Variants in POU6F2 observed in about 807,000 individuals in gnomAD.
POU6F2 encodes POU class 6 homeobox 2.
POU6F2 carries 31 observed loss-of-function variants against 71.3 expected under a neutral mutation model. The observed-to-expected ratio is 0.43, with a 90% CI of 0.33 to 0.59. The LOEUF is 0.59. Ranked by LOEUF, POU6F2 falls within the 20% of genes least tolerant of loss-of-function variation. The probability of loss-of-function intolerance (pLI) is 0.04; values close to 1 mark genes in which losing one functional copy is unlikely to be tolerated. For missense variants in POU6F2, 783 were observed against 856.8 expected, an observed-to-expected ratio of 0.91 and a Z score of 1.07; for synonymous variants, 347 against 355.7, an observed-to-expected ratio of 0.98 and a Z score of 0.27.
intron 6 of POU6F2, among the ~76,000 whole-genome samples, chr7:39,416,020 C>A (rs914452858): frequency 6.6e-6 from 1 of 151,132 alleles, no homozygotes; most frequent in African/African-American, 2.4e-5. Flanking sequence ...AACTCCAGAA[C>A]CTTCATTTCT....
chr7:39,349,806 G>T (rs1411627792), intron 5 of POU6F2, among the ~76,000 whole-genome samples: 3 of 152,142 alleles, frequency 2.0e-5, no homozygotes, highest in African/African-American at 7.2e-5. Flanking sequence ...ACTAAATTGG[G>T]CATTCTGGCT....
chr7:39,255,947 A>T (rs1364894153), intron 4 of POU6F2, among the ~76,000 whole-genome samples: 1 of 152,168 alleles, frequency 6.6e-6, no homozygotes, highest in East Asian at 1.9e-4. Flanking sequence ...GAATTAATAG[A>T]TTGCTCCACA....
intron 2 of POU6F2, among the ~76,000 whole-genome samples, chr7:39,094,948 C>A (rs1293656052): frequency 6.6e-6 from 1 of 152,120 alleles, no homozygotes; most frequent in African/African-American, 2.4e-5. Context: ...ATACCTACAT[C>A]ATTTCCCAAA....
At chr7:39,430,175 A>C (rs1788067506) in intron 6 of POU6F2, among the ~76,000 whole-genome samples, 1 of 152,266 alleles carries the variant, frequency 6.6e-6, no homozygotes, top group Non-Finnish European at 1.5e-5. Context: ...ATTGTGATAC[A>C]TTCGGGAATA....
intron 6 of POU6F2, among the ~76,000 whole-genome samples, chr7:39,411,484 AG>A (rs1562820030): frequency 1.3e-5 from 2 of 152,226 alleles, no homozygotes; most frequent in Non-Finnish European, 2.9e-5. Flanking sequence ...AATTTTCTTA[AG>A]TGGCAGCAAG....
chr7:39,183,568 A>G (rs1793476738), intron 2 of POU6F2, among the ~76,000 whole-genome samples: 1 of 152,146 alleles, frequency 6.6e-6, no homozygotes, highest in African/African-American at 2.4e-5. Context: ...ACCTCCCACC[A>G]GGTCCCTCTT....
At chr7:39,366,593 C>T (rs1786506408) in intron 5 of POU6F2, among the ~76,000 whole-genome samples, 1 of 152,154 alleles carries the variant, frequency 6.6e-6, no homozygotes, top group Admixed American at 6.5e-5. Flanking sequence ...TCCCCTCCTA[C>T]CCAGGCCCAG....
intron 2 of POU6F2, among the ~76,000 whole-genome samples, chr7:39,092,664 A>T (rs999408811): frequency 6.6e-6 from 1 of 152,138 alleles, no homozygotes; most frequent in Non-Finnish European, 1.5e-5. Context: ...AAACATGTTG[A>T]TCTGATTCTT....
chr7:39,006,844 T>C (rs778481655), intron 1 of POU6F2: 1 of 1,613,710 alleles, frequency 6.2e-7, no homozygotes, highest in East Asian at 2.2e-5. Flanking sequence ...CAAGAGGAAG[T>C]GGCAAATGAG....
At chr7:39,041,324 G>A (rs1790189890) in intron 1 of POU6F2, among the ~76,000 whole-genome samples, 1 of 151,936 alleles carries the variant, frequency 6.6e-6, no homozygotes, top group South Asian at 2.1e-4. Context: ...TATAATTGAG[G>A]TATTTGTGCA....
chr7:39,128,272 C>T (rs1465621887), intron 2 of POU6F2, among the ~76,000 whole-genome samples: 3 of 152,194 alleles, frequency 2.0e-5, no homozygotes, highest in African/African-American at 7.2e-5. Flanking sequence ...CTTTTAACTA[C>T]ATCATTTCTA....
intron 5 of POU6F2, among the ~76,000 whole-genome samples, chr7:39,359,505 C>G (rs1216150570): frequency 6.6e-6 from 1 of 152,180 alleles, no homozygotes; most frequent in Non-Finnish European, 1.5e-5. Context: ...AAAATATATG[C>G]TCTCCTTCCT....
intron 2 of POU6F2, among the ~76,000 whole-genome samples, chr7:39,122,701 C>G (rs1792066031): frequency 6.7e-6 from 1 of 148,736 alleles, no homozygotes; most frequent in Non-Finnish European, 1.5e-5. Flanking sequence ...AATATGCATG[C>G]CTATTTTTTT....
intron 2 of POU6F2, among the ~76,000 whole-genome samples, chr7:39,189,271 C>T (rs1182972544): frequency 2.0e-5 from 3 of 152,236 alleles, no homozygotes; most frequent in African/African-American, 4.8e-5. Context: ...AAAAAACCAA[C>T]ATTGTCCAAA....
chr7:39,201,934 G>T (rs1039778271), intron 2 of POU6F2, among the ~76,000 whole-genome samples: 2 of 152,142 alleles, frequency 1.3e-5, no homozygotes, highest in South Asian at 4.2e-4. Context: ...TCTGTTTGGG[G>T]AAAATGGGGA....
At chr7:39,374,721 G>A (rs1455078312) in intron 5 of POU6F2, among the ~76,000 whole-genome samples, 1 of 152,186 alleles carries the variant, frequency 6.6e-6, no homozygotes, top group Non-Finnish European at 1.5e-5. Flanking sequence ...GTGGAGGAGT[G>A]GGGAGGCATT....
intron 6 of POU6F2, among the ~76,000 whole-genome samples, chr7:39,410,751 T>C (rs1787534630): frequency 6.6e-6 from 1 of 152,076 alleles, no homozygotes; most frequent in Non-Finnish European, 1.5e-5. Flanking sequence ...CAGTAAATGA[T>C]TGCATAATTA....
At chr7:39,428,769 C>G (rs185816407) in intron 6 of POU6F2, among the ~76,000 whole-genome samples, 3 of 152,008 alleles carry the variant, frequency 2.0e-5, no homozygotes, top group Non-Finnish European at 4.4e-5. Context: ...TCAGCACTTC[C>G]CTACACTCCC....
chr7:39,443,095 G>A (rs762466751), intron 7 of POU6F2, among the ~76,000 whole-genome samples: 3 of 152,232 alleles, frequency 2.0e-5, no homozygotes, highest in South Asian at 4.1e-4. Context: ...GCCTTCTCAC[G>A]CAGCATCTGT....
Sources: gnomAD v4.1 joint callset for allele counts (sites outside exome capture counted in the v4.1 genomes callset) on GRCh38, gnomAD v4.1.1 for gene constraint, MANE v1.5 for transcripts, NCBI Gene and HGNC (gene_info 2026-07-23, HGNC 2026-07-21) for gene names.